The following SEC24C variants were observed in gnomAD, a reference collection of about 807,000 sequenced individuals.
The protein encoded by SEC24C is protein transport protein Sec24C.
SEC24C carries 22 observed loss-of-function variants against 117.0 expected under a neutral mutation model. The observed-to-expected ratio is 0.19, with a 90% CI of 0.13 to 0.27. SEC24C has a LOEUF of 0.27. Among genes scored for constraint, SEC24C ranks in the 10% least tolerant of loss-of-function variants. The pLI is 1.00. For missense variants in SEC24C, 1,155 were observed against 1,375.1 expected (o/e 0.84, Z 2.53); for synonymous variants, 506 against 529.4 (o/e 0.96, Z 0.61).
chr10:73,756,583 T>C (rs927205141), intron 3 of SEC24C, among the ~76,000 whole-genome samples: 1 of 152,146 alleles, frequency 6.6e-6, no homozygotes, highest in South Asian at 2.1e-4. Flanking sequence ...TTTAATGGTA[T>C]GGAAATTACA....
chr10:73,764,059 G>C, intron 8 of SEC24C, 76 bp downstream of exon 8: 1 of 1,471,876 alleles, frequency 6.8e-7, no homozygotes, highest in Non-Finnish European at 9.1e-7. Flanking sequence ...TCCTGGATGT[G>C]ATTCCAGCTT....
chr10:73,754,285 G>A (rs2082681096), intron 3 of SEC24C, among the ~76,000 whole-genome samples: 1 of 151,990 alleles, frequency 6.6e-6, no homozygotes, highest in South Asian at 2.1e-4. Flanking sequence ...TGTGGTGGCG[G>A]GCACCTATAA....
intron 2 of SEC24C, among the ~76,000 whole-genome samples, chr10:73,747,776 C>T (rs2132516367): frequency 6.6e-6 from 1 of 151,772 alleles, no homozygotes; most frequent in Admixed American, 6.6e-5. Flanking sequence ...TCTCCTGCCT[C>T]AGCCTCCCGA....
rs762243001 is a variant in SEC24C at position 73,759,846 on chromosome 10, G to C, written c.481+52G>C. ...TACTGTCCCCTGTTCAGAGGCATCAGACTCTGGGGTTATACCTGAATCTCT... is the reference window on the plus strand; with the variant it reads ...TACTGTCCCCTGTTCAGAGGCATCACACTCTGGGGTTATACCTGAATCTCT... On this transcript the variant is annotated intron_variant, in intron 4 of 22. Transcript: ENST00000345254. 11 of 1,505,532 alleles carry C rather than the reference G, an allele frequency of 7.3e-6. No homozygotes were observed. In the South Asian group the frequency reaches 1.1e-4, roughly 15 times the overall value. The allele number at this position is 1,505,532 out of a possible 1,614,324, so 93.3% of individuals were successfully genotyped here.
intron 15 of SEC24C, 85 bp downstream of exon 15, chr10:73,768,092 A>G: frequency 7.4e-7 from 1 of 1,354,448 alleles, no homozygotes; most frequent in Non-Finnish European, 1.0e-6. Context: ...ATTAATAGAA[A>G]TAGTGTTGGG....
At chr10:73,749,626 C>T (rs1450995344) in intron 2 of SEC24C, among the ~76,000 whole-genome samples, 1 of 151,834 alleles carries the variant, frequency 6.6e-6, no homozygotes, top group Non-Finnish European at 1.5e-5. Context: ...TCATTGTAAC[C>T]TCTGTCTCCC....
intron 3 of SEC24C, among the ~76,000 whole-genome samples, chr10:73,752,694 G>C (rs11000765): frequency 0.64 from 96,453 of 151,708 alleles, 31,849 homozygotes; most frequent in Middle Eastern, 0.83. Flanking sequence ...TGCAGTGGCT[G>C]ACTCCTTTAA....
chr10:73,751,234 A>C lies in SEC24C; in HGVS notation c.299A>C (p.Gln100Pro). The C allele has an allele frequency of 6.2e-7, 1 of 1,613,712 alleles. No homozygotes were observed. The highest frequency in any genetic ancestry group is 1.1e-5 in the South Asian group (1 of 91,046). ...CAGAATGGGCCAAGCTCCACTGTTC[A>C]GATGCAAAGGTAGGTACTTGGTCAA... ...DVQNGPSSTVQMQRLPGSQPF... is the reference protein window; with the variant it reads ...DVQNGPSSTVPMQRLPGSQPF... Residue 100 changes from glutamine to proline, a missense_variant, in exon 3 of 23, where the codon CAG becomes CCG. Around this residue, in one of 2 missense-constraint regions of SEC24C, gnomAD observed 396 missense variants for 382.8 expected, o/e 1.03. Coordinates refer to ENST00000345254, the MANE Select transcript of SEC24C (RefSeq NM_198597.3).
chr10:73,745,568 A>G (rs924200101), intron 1 of SEC24C, among the ~76,000 whole-genome samples: 1 of 85,882 alleles, frequency 1.2e-5, no homozygotes, highest in African/African-American at 3.8e-5. Context: ...TATTTTTTTG[A>G]AAGGGCGTCT....
In SEC24C at chr10:73,765,787, A is replaced by G; in HGVS notation, c.1367-13A>G. On this transcript the variant is annotated splice_polypyrimidine_tract_variant and intron_variant, in intron 9 of 22. Transcript: ENST00000345254. ...CTGGATCTTCGAGTAACACACTGCC[A>G]TGCTTCCCACAGTTCCCCCCCAGTA... 3.1e-6 allele frequency: 5 copies of G among 1,609,934 alleles called. No homozygotes were observed. Among genetic ancestry groups the G allele is most frequent in the Non-Finnish European group, 4.3e-6 (5 of 1,176,208 alleles).
chr10:73,760,913 A>C lies in SEC24C; in HGVS notation c.987+64A>C. 3 of 1,456,862 alleles carry C rather than the reference A, an allele frequency of 2.1e-6. No homozygotes were observed. The South Asian group carries it at 4.1e-5, about 20-fold the overall frequency. 90.2% of individuals were successfully genotyped at this position (1,456,862 alleles called of 1,614,324 possible). A position where few individuals can be genotyped will look rare whatever the true frequency, so the allele number is the denominator to read the frequency against. On this transcript the variant is annotated intron_variant, in intron 6 of 22. Transcript: ENST00000345254. ...GTCTGCCAGATAGGCAGGTCAATCTAGATGAAATGTTTGCCTAGCATTTTC... is the reference window on the plus strand; with the variant it reads ...GTCTGCCAGATAGGCAGGTCAATCTCGATGAAATGTTTGCCTAGCATTTTC...
intron 8 of SEC24C, 91 bp from the exon 9 acceptor site, chr10:73,765,360 C>G: frequency 7.0e-7 from 1 of 1,423,404 alleles, no homozygotes; most frequent in Non-Finnish European, 9.8e-7. Flanking sequence ...CTGCGCCATG[C>G]GCCTTCTTCC....
chr10:73,769,651 T>C lies in SEC24C; in HGVS notation c.2600T>C (p.Val867Ala). 6.2e-7 allele frequency: 1 copy of C among 1,614,106 alleles called. No individual in the cohort carries two copies. ...GTCCTGAATAGCCCTGTGAAGGCTG[T>C]TCGTGACACGCTCATCACCCAGTGT... The part of the protein sequence containing the change: ...RGVLNSPVKA[V>A]RDTLITQCAQ... Residue 867 changes from valine to alanine, a missense_variant, in exon 19 of 23, where the codon GTT becomes GCT. Val to Ala is a moderately conservative substitution (Grantham distance 64, BLOSUM62 0). Coordinates refer to ENST00000345254, the MANE Select transcript of SEC24C (RefSeq NM_198597.3). The surrounding 1 kb of genome is among the most constrained non-coding windows in gnomAD (Gnocchi z 4.5).
At chr10:73,757,373 A>AT (rs1554967081) in intron 3 of SEC24C, among the ~76,000 whole-genome samples, 1 of 150,422 alleles carries the variant, frequency 6.6e-6, no homozygotes, top group Non-Finnish European at 1.5e-5. Context: ...AAAAAAAAAA[A>AT]TAGCTGAGCA....
chr10:73,766,130 C>T lies in SEC24C; in HGVS notation c.1527C>T (p.Asp509=), dbSNP rs2082879611. The change falls in exon 11 of 23, where the codon GAC becomes GAT. Residue 509 remains aspartate, a synonymous_variant. Transcript: ENST00000345254. The part of the protein sequence containing the change: ...PSPPAFIFMI[D]VSYNAIRTGL... ...CTCCTGCCTTTATCTTCATGATTGACGTCTCCTACAATGCCATCAGGACTG... is the reference window on the plus strand; with the variant it reads ...CTCCTGCCTTTATCTTCATGATTGATGTCTCCTACAATGCCATCAGGACTG... The T allele has an allele frequency of 1.5e-5, 24 of 1,613,566 alleles. No homozygotes were observed. Among genetic ancestry groups the T allele is most frequent in the South Asian group, 2.2e-5 (2 of 91,080 alleles).
Position 73,744,407 on chromosome 10 carries a change from G to A in SEC24C, c.-59G>A, listed in dbSNP as rs2082510979. 6.5e-6 allele frequency: 1 copy of A among 152,894 alleles called. No individual in the cohort carries two copies. The highest frequency in any genetic ancestry group is 2.1e-4 in the South Asian group (1 of 4,844). 9.5% of individuals were successfully genotyped at this position (152,894 alleles called of 1,614,324 possible). On this transcript the variant is annotated 5_prime_UTR_variant, in exon 1 of 23. Transcript: ENST00000345254. ...GTGGAGCCTGGGAGCCTTGACGTTA[G>A]GAACGAAGTCTAACCTGGATCTGGA...
chr10:73,744,675 T>C (rs4746144), intron 1 of SEC24C, among the ~76,000 whole-genome samples: 151,753 of 152,252 alleles, frequency 1, 75,640 homozygotes, highest in Middle Eastern at 1. Context: ...GTGCAAGACG[T>C]TTGGTCTCTG....
chr10:73,769,029 T>C lies in SEC24C; in HGVS notation c.2301T>C (p.Phe767=). The change falls in exon 17 of 23, where the codon TTT becomes TTC. Residue 767 remains phenylalanine (F), a synonymous_variant. Transcript: ENST00000345254. This position sits in a 1 kb window ranked among gnomAD's most constrained non-coding sequence, Gnocchi z 4.5. ...CAGGTATCCGTGCTGTAGATTTCTT[T>C]GGAGCTTTCTACATGAGCAACACGA... ...TSTGIRAVDF[F]GAFYMSNTTD... 3.1e-6 allele frequency: 5 copies of C among 1,614,244 alleles called. No homozygotes were observed. The highest frequency in any genetic ancestry group is 4.2e-6 in the Non-Finnish European group (5 of 1,180,046).
chr10:73,759,571 C>A, intron 3 of SEC24C, 51 bp from the exon 4 acceptor site: 1 of 1,416,998 alleles, frequency 7.1e-7, no homozygotes, highest in Non-Finnish European at 9.3e-7. Context: ...CTGTAGACTT[C>A]AAAGGGTGTC....
Sources: allele counts gnomAD v4.1 joint callset (sites outside exome capture counted in the v4.1 genomes callset), GRCh38; gene constraint gnomAD v4.1.1; regional missense constraint gnomAD v4.1.1; non-coding constraint Gnocchi (gnomAD v3.1); transcripts MANE v1.5; gene names NCBI Gene and HGNC (gene_info 2026-07-23, HGNC 2026-07-21).